TENM1: variants seen among roughly 807,000 people sequenced by gnomAD.
The protein encoded by TENM1 is teneurin transmembrane protein 1, also known as teneurin-1.
Under a neutral mutation model 174.8 loss-of-function variants are expected in TENM1, and 35 were observed. That is an observed-to-expected ratio of 0.20 (90% CI 0.15 to 0.27). The LOEUF is 0.27. Ranked by LOEUF, TENM1 falls within the 10% of genes least tolerant of loss-of-function variation. The pLI, the probability that TENM1 is intolerant of heterozygous loss-of-function variation, is 1.00. For missense variants in TENM1, 1,633 were observed against 2,130.1 expected, an observed-to-expected ratio of 0.77 and a Z score of 4.59; for synonymous variants, 781 against 798.7, an observed-to-expected ratio of 0.98 and a Z score of 0.37.
chrX:125,028,744 T>C, the TENM1 span, among the ~76,000 whole-genome samples: 1 of 111,755 alleles, frequency 8.9e-6, no homozygotes, highest in South Asian at 3.7e-4. Flanking sequence ...AATAGTTAAC[T>C]TATTAAAAGT....
chrX:124,458,145 G>A (rs1392902466), intron 22 of TENM1, among the ~76,000 whole-genome samples: 1 of 111,877 alleles, frequency 8.9e-6, no homozygotes, highest in Non-Finnish European at 1.9e-5. Context: ...CTTTGTTCAT[G>A]TGCATTCCAA....
At chrX:125,169,000 G>T in the TENM1 span, among the ~76,000 whole-genome samples, 1 of 110,763 alleles carries the variant, frequency 9.0e-6, no homozygotes, top group Admixed American at 9.7e-5. Flanking sequence ...GTGGGTGTGT[G>T]TGTGTGCGCA....
At chrX:124,938,431 C>A (rs1354482356) in intron 1 of TENM1, among the ~76,000 whole-genome samples, 6 of 112,045 alleles carry the variant, frequency 5.4e-5, no homozygotes, top group East Asian at 2.8e-4. Flanking sequence ...ATCACATAAA[C>A]ATTGCCTAAA....
chrX:124,616,745 T>C (rs921401524), intron 11 of TENM1, among the ~76,000 whole-genome samples: 2 of 112,159 alleles, frequency 1.8e-5, no homozygotes, highest in East Asian at 2.8e-4. Flanking sequence ...CATCTAAACA[T>C]AGTGCCTGTC....
chrX:124,988,712 G>A, the TENM1 span, among the ~76,000 whole-genome samples: 1 of 111,165 alleles, frequency 9.0e-6, no homozygotes, highest in Non-Finnish European at 1.9e-5. Flanking sequence ...AACCAAATAC[G>A]GTTTAGCCCA....
At chrX:124,377,314 A>T (rs1384471239) in exon 32 of TENM1, 1 of 110,886 alleles carries the variant, frequency 9.0e-6, no homozygotes, top group African/African-American at 3.3e-5. Flanking sequence ...TATATATTAT[A>T]TATATGTAGT....
intron 3 of TENM1, among the ~76,000 whole-genome samples, chrX:124,837,674 C>T (rs2056419460): frequency 9.0e-6 from 1 of 111,598 alleles, no homozygotes; most frequent in African/African-American, 3.3e-5. Context: ...GACATGGCCT[C>T]CTCCACATCT....
chrX:124,796,861 T>C (rs958940352), intron 3 of TENM1, among the ~76,000 whole-genome samples: 2 of 111,645 alleles, frequency 1.8e-5, no homozygotes, highest in Non-Finnish European at 3.8e-5. Flanking sequence ...TGAATGATAA[T>C]TATATATAAC....
chrX:125,143,844 G>A, the TENM1 span, among the ~76,000 whole-genome samples: 1 of 111,037 alleles, frequency 9.0e-6, no homozygotes, highest in African/African-American at 3.3e-5. Flanking sequence ...TTAAACATAT[G>A]GATTTTAAAA....
chrX:124,915,791 G>A (rs1011614569), intron 1 of TENM1, among the ~76,000 whole-genome samples: 2 of 112,103 alleles, frequency 1.8e-5, no homozygotes, highest in Non-Finnish European at 3.8e-5. Flanking sequence ...AGTCTGGCTG[G>A]TTTAAAGGGT....
chrX:124,632,516 T>C (rs1051195258), intron 11 of TENM1, among the ~76,000 whole-genome samples: 1 of 111,110 alleles, frequency 9.0e-6, no homozygotes, highest in Non-Finnish European at 1.9e-5. Flanking sequence ...TGAAAATTTA[T>C]TGTCCTCACT....
At chrX:124,673,453 T>C (rs909739165) in intron 5 of TENM1, among the ~76,000 whole-genome samples, 7 of 111,949 alleles carry the variant, frequency 6.3e-5, no homozygotes, top group African/African-American at 1.9e-4. Flanking sequence ...TGAAGGTTTT[T>C]AGGCAAATAA....
At chrX:124,444,857 G>A (rs747982806) in intron 23 of TENM1, among the ~76,000 whole-genome samples, 3 of 111,203 alleles carry the variant, frequency 2.7e-5, no homozygotes, top group Non-Finnish European at 5.7e-5. Context: ...TGTGACTTAA[G>A]AGGCATGAAA....
chrX:124,962,621 C>T (rs1190705363), intron 1 of TENM1, among the ~76,000 whole-genome samples: 2 of 111,267 alleles, frequency 1.8e-5, no homozygotes, highest in East Asian at 5.7e-4. Flanking sequence ...AGTTTGAGAC[C>T]AGCCTGACCA....
chrX:125,150,377 A>AT, the TENM1 span, among the ~76,000 whole-genome samples: 6 of 110,529 alleles, frequency 5.4e-5, no homozygotes, highest in Admixed American at 9.7e-5. Flanking sequence ...TATTCAAGCA[A>AT]TTTTTTACAG....
the TENM1 span, among the ~76,000 whole-genome samples, chrX:125,196,005 A>AGAAGGAAGGAAG: frequency 3.3e-4 from 32 of 96,408 alleles, no homozygotes; most frequent in African/African-American, 1.3e-3. Flanking sequence ...AAGGAAGAAA[A>AGAAGGAAGGAAG]GAAGGAACGA....
At chrX:124,480,663 A>G (rs1445509962) in intron 22 of TENM1, among the ~76,000 whole-genome samples, 1 of 112,356 alleles carries the variant, frequency 8.9e-6, no homozygotes, top group Admixed American at 9.4e-5. Flanking sequence ...GGGTGATTTT[A>G]ATTAAATTTT....
intron 3 of TENM1, among the ~76,000 whole-genome samples, chrX:124,755,855 T>C (rs1277071532): frequency 3.7e-5 from 4 of 108,336 alleles, no homozygotes; most frequent in African/African-American, 1.1e-4. Flanking sequence ...TGCCGAGAGA[T>C]CTGCTGTTAG....
chrX:125,110,637 T>C, the TENM1 span, among the ~76,000 whole-genome samples: 1 of 110,705 alleles, frequency 9.0e-6, no homozygotes, highest in Non-Finnish European at 1.9e-5. Flanking sequence ...TCCCATCCAA[T>C]TTCTGCAGAA....
Sources: allele counts gnomAD v4.1 joint callset (sites outside exome capture counted in the v4.1 genomes callset), GRCh38; gene constraint gnomAD v4.1.1; transcripts MANE v1.5; gene names NCBI Gene and HGNC (gene_info 2026-07-23, HGNC 2026-07-21).